The following MYOM1 variants were observed in gnomAD, a reference collection of about 807,000 sequenced individuals.
MYOM1 encodes the protein myomesin 1.
MYOM1 carries 164 observed loss-of-function variants against 205.3 expected under a neutral mutation model. That is an observed-to-expected ratio of 0.80 (90% confidence interval 0.70 to 0.91). The LOEUF (loss-of-function observed/expected upper bound fraction) is 0.91. Among genes scored for constraint, MYOM1 ranks in the 40% least tolerant of loss-of-function variants. MYOM1 has a pLI of 0.00. For synonymous variants in MYOM1, 772 were observed against 789.4 expected (o/e 0.98, Z 0.37); for missense variants, 2,011 against 2,127.3 (o/e 0.95, Z 1.08).
At chr18:3,110,746 T>C (rs905604047) in intron 22 of MYOM1, among the ~76,000 whole-genome samples, 2 of 151,622 alleles carry the variant, frequency 1.3e-5, no homozygotes, top group East Asian at 2.0e-4. Flanking sequence ...TTTTCTTTTT[T>C]TTTTTTTTTA....
intron 19 of MYOM1, among the ~76,000 whole-genome samples, chr18:3,125,150 A>G (rs977697201): frequency 1.4e-4 from 21 of 152,196 alleles, no homozygotes; most frequent in African/African-American, 5.1e-4. Context: ...GGGAATTCTC[A>G]CACACTCTTC....
chr18:3,177,600 T>C (rs956222491), intron 5 of MYOM1, among the ~76,000 whole-genome samples: 7 of 151,982 alleles, frequency 4.6e-5, no homozygotes, highest in Non-Finnish European at 1.0e-4. Context: ...GCCTCCCCAG[T>C]AGCTGGGATT....
intron 18 of MYOM1, among the ~76,000 whole-genome samples, chr18:3,128,321 G>C (rs530617390): frequency 5.3e-4 from 80 of 152,194 alleles, no homozygotes; most frequent in Non-Finnish European, 9.4e-4. Context: ...GGTTATAGAA[G>C]TTGGGGTGGG....
intron 13 of MYOM1, among the ~76,000 whole-genome samples, chr18:3,143,050 A>G (rs1190181240): frequency 6.6e-6 from 1 of 152,238 alleles, no homozygotes; most frequent in Non-Finnish European, 1.5e-5. Context: ...TGCAAACCCT[A>G]TAAGCACAAG....
chr18:3,212,617 A>G (rs1003802408), intron 2 of MYOM1, among the ~76,000 whole-genome samples: 3 of 152,246 alleles, frequency 2.0e-5, no homozygotes, highest in African/African-American at 7.2e-5. Flanking sequence ...TGAAATAAGT[A>G]CACAAGGAGT....
At chr18:3,191,898 G>T (rs567620148) in intron 3 of MYOM1, among the ~76,000 whole-genome samples, 1 of 151,944 alleles carries the variant, frequency 6.6e-6, no homozygotes, top group Admixed American at 6.6e-5. Flanking sequence ...GGGTTTCACC[G>T]TGTTAGCCAG....
At chr18:3,141,878 C>T in intron 14 of MYOM1, 61 bp downstream of exon 14, 1 of 1,603,788 alleles carries the variant, frequency 6.2e-7, no homozygotes, top group Non-Finnish European at 8.5e-7. Flanking sequence ...AATTTAGCCT[C>T]CACTTTTCTA....
intron 5 of MYOM1, among the ~76,000 whole-genome samples, chr18:3,186,875 A>G (rs12962287): frequency 5.3e-5 from 8 of 150,780 alleles, no homozygotes; most frequent in African/African-American, 1.2e-4. Flanking sequence ...AGGAAGGGAG[A>G]GAGAGAAAGA....
rs140216128 is a variant in MYOM1 at position 3,112,031 on chromosome 18, C to T, written c.3418+267G>A. ...GAATGAATGCTTGGAACAGTTGGTCCGGGAAGCTTAACTTGATCAAGAACT... is the reference window on the plus strand; with the variant it reads ...GAATGAATGCTTGGAACAGTTGGTCTGGGAAGCTTAACTTGATCAAGAACT... On this transcript the variant is annotated intron_variant, in intron 22 of 37. Coordinates refer to ENST00000356443, the MANE Select transcript of MYOM1 (RefSeq NM_003803.4). Among the ~76,000 whole-genome samples the T allele has an allele frequency of 1.5e-3, 223 of 152,174 alleles. 1 individual carries two copies. In the East Asian group the frequency reaches 0.035, roughly 24 times the overall value.
chr18:3,170,209 G>A (rs1449821886), intron 8 of MYOM1, among the ~76,000 whole-genome samples: 2 of 152,070 alleles, frequency 1.3e-5, no homozygotes, highest in Non-Finnish European at 2.9e-5. Context: ...TTAGATGCAA[G>A]GAATAAGATC....
chr18:3,112,976 T>C (rs549197314), intron 21 of MYOM1, among the ~76,000 whole-genome samples: 1 of 152,262 alleles, frequency 6.6e-6, no homozygotes, highest in East Asian at 1.9e-4. Context: ...TCTTACTAAA[T>C]AGACATGAAA....
intron 20 of MYOM1, among the ~76,000 whole-genome samples, chr18:3,117,594 G>A (rs2079624860): frequency 6.6e-6 from 1 of 152,146 alleles, no homozygotes; most frequent in Non-Finnish European, 1.5e-5. Context: ...ACTACTAAGT[G>A]ATTGCCTGTA....
chr18:3,110,371 C>T (rs1199968061), intron 22 of MYOM1, among the ~76,000 whole-genome samples: 1 of 152,118 alleles, frequency 6.6e-6, no homozygotes, highest in East Asian at 1.9e-4. Flanking sequence ...GACCATTCAG[C>T]CTCATGCCCA....
intron 22 of MYOM1, among the ~76,000 whole-genome samples, chr18:3,105,513 G>A (rs113319988): frequency 8.7e-4 from 132 of 152,250 alleles, no homozygotes; most frequent in African/African-American, 2.9e-3. Context: ...AATTTGTTCA[G>A]GTTTTTGAAT....
chr18:3,080,385 A>AT (rs2079070769), intron 33 of MYOM1, among the ~76,000 whole-genome samples: 1 of 152,076 alleles, frequency 6.6e-6, no homozygotes, highest in African/African-American at 2.4e-5. Context: ...AGAAAAACAA[A>AT]TTTTCTGGCT....
chr18:3,123,193 A>C (rs1414227118), intron 19 of MYOM1, among the ~76,000 whole-genome samples: 2 of 152,196 alleles, frequency 1.3e-5, no homozygotes, highest in African/African-American at 4.8e-5. Flanking sequence ...AAATGAAGTA[A>C]AAGTTATAAA....
chr18:3,139,959 T>C (rs112863703), intron 14 of MYOM1, among the ~76,000 whole-genome samples: 2,148 of 152,278 alleles, frequency 0.014, 51 homozygotes, highest in African/African-American at 0.048. Context: ...TGTGCCCTTA[T>C]TATAGGAAAG....
chr18:3,173,853 T>C lies in MYOM1; in HGVS notation c.1174+85A>G, dbSNP rs1364160751. ...AGCATATACTATGTTATATATAGTATGCATTTATTTCAGCATTATGGGCTA... is the reference window on the plus strand; with the variant it reads ...AGCATATACTATGTTATATATAGTACGCATTTATTTCAGCATTATGGGCTA... On this transcript the variant is annotated intron_variant, in intron 8 of 37. Coordinates refer to ENST00000356443, the MANE Select transcript of MYOM1 (RefSeq NM_003803.4). 5 of 1,165,286 alleles carry C rather than the reference T, an allele frequency of 4.3e-6. No homozygotes were observed. In the African/African-American group the frequency reaches 6.1e-5, roughly 14 times the overall value. The allele number at this position is 1,165,286 out of a possible 1,614,324, so 72.2% of individuals were successfully genotyped here.
At position 3,067,134 on chromosome 18, in the gene MYOM1, G is replaced by C. The variant is rs1326984871; in HGVS notation, c.*128C>G. The C allele has an allele frequency of 4.9e-6, 5 of 1,019,520 alleles. No homozygotes were observed. The highest frequency in any genetic ancestry group is 7.0e-6 in the Non-Finnish European group (5 of 713,454). The allele number at this position is 1,019,520 out of a possible 1,614,324, so 63.2% of individuals were successfully genotyped here. ...TTGGTGCTTTTTTATATGAGTGAAA[G>C]ACCTGACATTATTTTCCCCTCAAGC... On this transcript the variant is annotated 3_prime_UTR_variant, in exon 38 of 38. Coordinates refer to ENST00000356443, the MANE Select transcript of MYOM1 (RefSeq NM_003803.4).
Sources: gnomAD v4.1 joint callset for allele counts (sites outside exome capture counted in the v4.1 genomes callset) on GRCh38, gnomAD v4.1.1 for gene constraint, MANE v1.5 for transcripts, NCBI Gene and HGNC (gene_info 2026-07-23, HGNC 2026-07-21) for gene names.